Variants in AXDND1 observed in about 807,000 individuals in gnomAD.
AXDND1 encodes the protein axonemal dynein light chain domain-containing protein 1.
AXDND1 carries 110 observed loss-of-function variants against 137.5 expected under a neutral mutation model. That is an observed-to-expected ratio of 0.80 (90% CI 0.69 to 0.94). AXDND1 has a LOEUF of 0.94. AXDND1 is among the 40% of genes least tolerant of loss of function. The pLI, the probability that AXDND1 is intolerant of heterozygous loss-of-function variation, is 0.00. For synonymous variants in AXDND1, 414 were observed against 399.7 expected (o/e 1.04, Z -0.43); for missense variants, 1,191 against 1,169.8 (o/e 1.02, Z -0.26).
chr1:179,549,659 C>T (rs1283013783), intron 25 of AXDND1, among the ~76,000 whole-genome samples: 2 of 152,006 alleles, frequency 1.3e-5, no homozygotes, highest in African/African-American at 4.8e-5. Flanking sequence ...ATTACACATG[C>T]CAAAATTTGC....
At position 179,548,138 on chromosome 1, in the gene AXDND1, C is replaced by T. The variant is rs962958494; in HGVS notation, c.3032-6374C>T. ...CCTGGGAGCAGGCACTACTGGCCAT[C>T]GGGGCTGCCTTTCACACATGGAGGC... On this transcript the variant is annotated intron_variant, in intron 25 of 25. Transcript: ENST00000367618. Among the ~76,000 whole-genome samples, 34 of 152,156 alleles carry T rather than the reference C, an allele frequency of 2.2e-4. 1 individual carries two copies. Among genetic ancestry groups the T allele is most frequent in the Non-Finnish European group, 7.4e-5 (5 of 68,012 alleles).
chr1:179,372,569 A>G (rs1319757585), intron 4 of AXDND1, among the ~76,000 whole-genome samples: 1 of 148,146 alleles, frequency 6.8e-6, no homozygotes, highest in African/African-American at 2.5e-5. Flanking sequence ...TTAAGAATCA[A>G]AGTTGTTTTG....
At chr1:179,488,671 C>CTTTCTTTCTT (rs1666451601) in intron 18 of AXDND1, among the ~76,000 whole-genome samples, 3 of 128,522 alleles carry the variant, frequency 2.3e-5, no homozygotes, top group African/African-American at 9.7e-5. Flanking sequence ...TTCTTTCTTT[C>CTTTCTTTCTT]TTTCTTTCTT....
At chr1:179,420,082 A>G (rs1015849215) in intron 12 of AXDND1, among the ~76,000 whole-genome samples, 3 of 152,198 alleles carry the variant, frequency 2.0e-5, no homozygotes, top group African/African-American at 7.2e-5. Flanking sequence ...TGGGTTTGCC[A>G]TATATGGCTT....
intron 18 of AXDND1, among the ~76,000 whole-genome samples, chr1:179,484,560 C>A (rs1336491714): frequency 3.9e-5 from 6 of 152,146 alleles, no homozygotes; most frequent in Non-Finnish European, 8.8e-5. Flanking sequence ...ACTGGCAGAC[C>A]ATGCCTGACC....
chr1:179,498,297 A>G (rs1427363205), intron 20 of AXDND1, among the ~76,000 whole-genome samples: 3 of 151,768 alleles, frequency 2.0e-5, no homozygotes, highest in Admixed American at 2.0e-4. Context: ...CTGGTACAAA[A>G]ACAGACATGT....
rs376546943 is a variant in AXDND1 at position 179,366,550 on chromosome 1, C to T, written c.41C>T (p.Thr14Ile). 3 of 1,613,676 alleles carry T rather than the reference C, an allele frequency of 1.9e-6. No homozygotes were observed. The highest frequency in any genetic ancestry group is 1.3e-5 in the African/African-American group (1 of 74,878). Reference protein sequence around the residue: ...PKTPSTPLNSTSTSESKKLKV... With the variant: ...PKTPSTPLNSISTSESKKLKV... Reference sequence around the variant, plus strand: ...ACGCCCTCCACCCCGCTAAACTCTACATCAACATCTGAGAGCAAAAAGTTA... The same window carrying T: ...ACGCCCTCCACCCCGCTAAACTCTATATCAACATCTGAGAGCAAAAAGTTA... Residue 14 changes from threonine to isoleucine, a missense_variant, in exon 2 of 26, where the codon ACA (threonine) becomes ATA (isoleucine). Coordinates refer to ENST00000367618, the MANE Select transcript of AXDND1 (RefSeq NM_144696.6).
intron 21 of AXDND1, among the ~76,000 whole-genome samples, chr1:179,509,843 G>A (rs976623591): frequency 1.1e-4 from 17 of 152,002 alleles, no homozygotes; most frequent in Non-Finnish European, 1.8e-4. Context: ...CAATCTAAAA[G>A]CAATCTAAAA....
At chr1:179,513,857 G>A (rs1669275605) in intron 21 of AXDND1, among the ~76,000 whole-genome samples, 2 of 152,078 alleles carry the variant, frequency 1.3e-5, no homozygotes, top group African/African-American at 2.4e-5. Context: ...GCATAAAGAT[G>A]TTCTTAGTAG....
chr1:179,553,944 G>A (rs1284217548), intron 25 of AXDND1, among the ~76,000 whole-genome samples: 4 of 135,042 alleles, frequency 3.0e-5, no homozygotes, highest in Admixed American at 1.6e-4. Context: ...ATCGAGTCTC[G>A]CTCTGTGGTC....
At chr1:179,551,564 G>T in intron 25 of AXDND1, 1 of 1,216,206 alleles carries the variant, frequency 8.2e-7, no homozygotes, top group Non-Finnish European at 1.2e-6. Context: ...TGGCAAGCAC[G>T]GTTAAGCATA....
At chr1:179,384,259 T>C (rs553721013) in intron 8 of AXDND1, among the ~76,000 whole-genome samples, 2 of 152,328 alleles carry the variant, frequency 1.3e-5, no homozygotes, top group East Asian at 3.9e-4. Context: ...TCTCCTTCTC[T>C]GTCTACATAT....
At chr1:179,448,467 A>G (rs1002954712) in intron 16 of AXDND1, 2 of 467,980 alleles carry the variant, frequency 4.3e-6, no homozygotes, top group Admixed American at 3.2e-5. Flanking sequence ...TTATTTCCTT[A>G]TATTCCAAAT....
intron 16 of AXDND1, chr1:179,453,057 G>A (rs1462006007): frequency 6.6e-6 from 1 of 152,266 alleles, no homozygotes; most frequent in Non-Finnish European, 1.5e-5. Context: ...GCTTCCATGT[G>A]GTATTGAACC....
chr1:179,456,485 G>T, intron 16 of AXDND1: 1 of 769,074 alleles, frequency 1.3e-6, no homozygotes, highest in East Asian at 2.4e-5. Context: ...TATTATAGCT[G>T]CCACTCCCAC....
At chr1:179,463,589 T>C (rs1226494887) in intron 16 of AXDND1, among the ~76,000 whole-genome samples, 1 of 152,230 alleles carries the variant, frequency 6.6e-6, no homozygotes, top group Non-Finnish European at 1.5e-5. Context: ...GAAGAATGTA[T>C]ATTCTGTTGA....
At chr1:179,531,847 T>C (rs1275646180) in intron 23 of AXDND1, among the ~76,000 whole-genome samples, 1 of 152,110 alleles carries the variant, frequency 6.6e-6, no homozygotes, top group African/African-American at 2.4e-5. Context: ...AACTGGAAGC[T>C]ACAGCACATA....
At chr1:179,506,068 A>G (rs1668512138) in intron 20 of AXDND1, among the ~76,000 whole-genome samples, 2 of 152,238 alleles carry the variant, frequency 1.3e-5, no homozygotes, top group Admixed American at 1.3e-4. Flanking sequence ...GGCATCCAGT[A>G]AGAGTATACA....
intron 16 of AXDND1, among the ~76,000 whole-genome samples, chr1:179,460,251 C>A (rs1662132372): frequency 6.6e-6 from 1 of 152,044 alleles, no homozygotes; most frequent in Non-Finnish European, 1.5e-5. Context: ...GTCCAAGTGT[C>A]CTCATTGTTC....
Sources: allele counts gnomAD v4.1 joint callset (sites outside exome capture counted in the v4.1 genomes callset), GRCh38; gene constraint gnomAD v4.1.1; transcripts MANE v1.5; gene names NCBI Gene and HGNC (gene_info 2026-07-23, HGNC 2026-07-21).